The following CRPPA variants were observed in gnomAD, a reference collection of about 807,000 sequenced individuals.
CRPPA encodes the protein CDP-L-ribitol pyrophosphorylase A, also known as D-ribitol-5-phosphate cytidylyltransferase.
CRPPA carries 43 observed loss-of-function variants against 52.0 expected under a neutral mutation model. The ratio of observed to expected loss-of-function variants is 0.83; its 90% confidence interval spans 0.65 to 1.07. The LOEUF is 1.07. CRPPA is among the 50% of genes least tolerant of loss of function. CRPPA has a pLI of 0.00. For synonymous variants in CRPPA, 250 were observed against 203.5 expected, an observed-to-expected ratio of 1.23 and a Z score of -1.94; for missense variants, 629 against 551.7, an observed-to-expected ratio of 1.14 and a Z score of -1.40.
intron 9 of CRPPA, among the ~76,000 whole-genome samples, chr7:16,167,753 A>G (rs1447656429): frequency 6.6e-6 from 1 of 152,224 alleles, no homozygotes; most frequent in East Asian, 1.9e-4. Flanking sequence ...ACTCCGCCTC[A>G]GGGCTCTTCC....
At chr7:16,412,134 C>T (rs1175139670) in intron 1 of CRPPA, among the ~76,000 whole-genome samples, 1 of 152,144 alleles carries the variant, frequency 6.6e-6, no homozygotes, top group South Asian at 2.1e-4. Flanking sequence ...TAATTACAAA[C>T]AGACACTTAT....
At chr7:16,386,951 C>T (rs909039769) in intron 2 of CRPPA, among the ~76,000 whole-genome samples, 1 of 150,818 alleles carries the variant, frequency 6.6e-6, no homozygotes, top group South Asian at 2.1e-4. Flanking sequence ...ACCCAGGAAG[C>T]AGAGGTTACA....
At chr7:16,145,572 C>A (rs549397510) in intron 9 of CRPPA, among the ~76,000 whole-genome samples, 2 of 149,174 alleles carry the variant, frequency 1.3e-5, no homozygotes, top group Non-Finnish European at 1.5e-5. Flanking sequence ...TGTGGATAAA[C>A]AACTTAATAA....
At chr7:16,284,647 C>T (rs1242483936) in intron 5 of CRPPA, among the ~76,000 whole-genome samples, 1 of 152,072 alleles carries the variant, frequency 6.6e-6, no homozygotes, top group East Asian at 1.9e-4. Context: ...ATGGAATATA[C>T]ATTTTGAGTA....
At chr7:16,193,655 T>C (rs1781662915) in intron 9 of CRPPA, among the ~76,000 whole-genome samples, 1 of 152,118 alleles carries the variant, frequency 6.6e-6, no homozygotes, top group Non-Finnish European at 1.5e-5. Context: ...ATAAAAGGGA[T>C]TAAATGTCAA....
intron 8 of CRPPA, among the ~76,000 whole-genome samples, chr7:16,223,630 T>C (rs953416460): frequency 1.3e-5 from 2 of 152,116 alleles, no homozygotes; most frequent in African/African-American, 4.8e-5. Flanking sequence ...TTCTAAAATA[T>C]ACCAACTACT....
At chr7:16,249,964 A>T (rs188694699) in intron 8 of CRPPA, among the ~76,000 whole-genome samples, 340 of 152,326 alleles carry the variant, frequency 2.2e-3, no homozygotes, top group Non-Finnish European at 2.9e-3. Flanking sequence ...AACCCAACAC[A>T]AGGAAGCTAA....
chr7:16,101,349 C>A (rs2128363981), intron 9 of CRPPA, among the ~76,000 whole-genome samples: 1 of 152,188 alleles, frequency 6.6e-6, no homozygotes, highest in African/African-American at 2.4e-5. Flanking sequence ...CTCAGTGATT[C>A]AACTACTTCC....
chr7:16,110,329 T>C (rs1374047753), intron 9 of CRPPA, among the ~76,000 whole-genome samples: 1 of 152,106 alleles, frequency 6.6e-6, no homozygotes, highest in Non-Finnish European at 1.5e-5. Context: ...GAATTAGTAT[T>C]GTTAAAATAC....
At chr7:16,221,581 A>G (rs1782507050) in intron 8 of CRPPA, among the ~76,000 whole-genome samples, 1 of 151,980 alleles carries the variant, frequency 6.6e-6, no homozygotes, top group African/African-American at 2.4e-5. Context: ...TCTACAATGA[A>G]CTCAAACAAA....
intron 3 of CRPPA, among the ~76,000 whole-genome samples, chr7:16,343,914 G>T (rs979795442): frequency 3.3e-5 from 5 of 152,146 alleles, no homozygotes; most frequent in African/African-American, 1.2e-4. Context: ...CATGCATAGA[G>T]CCCTTAGGCA....
chr7:16,298,018 G>A (rs1279177570), intron 5 of CRPPA, among the ~76,000 whole-genome samples: 1 of 152,098 alleles, frequency 6.6e-6, no homozygotes, highest in East Asian at 1.9e-4. Flanking sequence ...AGCTCTCATA[G>A]TATGCTATAT....
At chr7:16,241,852 G>C (rs1783116832) in intron 8 of CRPPA, among the ~76,000 whole-genome samples, 1 of 150,800 alleles carries the variant, frequency 6.6e-6, no homozygotes, top group African/African-American at 2.4e-5. Context: ...TAAAAAAACA[G>C]CTCTCTGATC....
At chr7:16,250,867 A>C (rs957084094) in intron 8 of CRPPA, among the ~76,000 whole-genome samples, 1 of 152,198 alleles carries the variant, frequency 6.6e-6, no homozygotes, top group African/African-American at 2.4e-5. Flanking sequence ...TCAAATTCAC[A>C]CATAACAATA....
chr7:16,242,251 G>C (rs1199623146), intron 8 of CRPPA, among the ~76,000 whole-genome samples: 1 of 151,862 alleles, frequency 6.6e-6, no homozygotes, highest in African/African-American at 2.4e-5. Context: ...ACCGCGCCCA[G>C]CCAAATCTAA....
intron 9 of CRPPA, among the ~76,000 whole-genome samples, chr7:16,104,333 G>A (rs1169039557): frequency 1.3e-5 from 2 of 152,162 alleles, no homozygotes; most frequent in African/African-American, 4.8e-5. Context: ...TAGAATTATT[G>A]CCTATAGAGA....
chr7:16,379,792 T>G (rs1787023920), intron 2 of CRPPA, among the ~76,000 whole-genome samples: 1 of 152,240 alleles, frequency 6.6e-6, no homozygotes, highest in African/African-American at 2.4e-5. Flanking sequence ...TCTCTGTTTG[T>G]CTGTTATTGA....
chr7:16,301,885 T>C (rs1784794799), intron 4 of CRPPA, among the ~76,000 whole-genome samples: 1 of 152,268 alleles, frequency 6.6e-6, no homozygotes, highest in South Asian at 2.1e-4. Flanking sequence ...GAAAGGTCAA[T>C]TTATGTTAAG....
chr7:16,196,650 C>G (rs1289374377), intron 9 of CRPPA, among the ~76,000 whole-genome samples: 1 of 152,094 alleles, frequency 6.6e-6, no homozygotes, highest in Non-Finnish European at 1.5e-5. Context: ...ATTATAGTAT[C>G]TAGAGAAAGA....
Sources: gnomAD v4.1 joint callset for allele counts (sites outside exome capture counted in the v4.1 genomes callset) on GRCh38, gnomAD v4.1.1 for gene constraint, MANE v1.5 for transcripts, NCBI Gene and HGNC (gene_info 2026-07-23, HGNC 2026-07-21) for gene names.